UNC80: variants seen among roughly 807,000 people sequenced by gnomAD.
UNC80 encodes the protein protein unc-80 homolog.
Under a neutral mutation model 384.6 loss-of-function variants are expected in UNC80, and 164 were observed. The observed-to-expected ratio is 0.43, with a 90% confidence interval of 0.38 to 0.49. UNC80 has a LOEUF of 0.49. Among genes scored for constraint, UNC80 ranks in the 20% least tolerant of loss-of-function variants. The probability of loss-of-function intolerance (pLI) is 0.00; values close to 1 mark genes in which losing one functional copy is unlikely to be tolerated. For synonymous variants in UNC80, 1,486 were observed against 1,527.8 expected, an observed-to-expected ratio of 0.97 and a Z score of 0.64; for missense variants, 3,330 against 4,143.0, an observed-to-expected ratio of 0.80 and a Z score of 5.39.
intron 22 of UNC80, among the ~76,000 whole-genome samples, chr2:209,858,382 CTGTT>C (rs1333562072): frequency 2.0e-5 from 3 of 152,076 alleles, no homozygotes; most frequent in African/African-American, 4.8e-5. Flanking sequence ...ACTTTTCTAT[CTGTT>C]TGTTACTTAG....
At chr2:209,913,572 G>T (rs578117190) in intron 30 of UNC80, among the ~76,000 whole-genome samples, 1 of 152,290 alleles carries the variant, frequency 6.6e-6, no homozygotes, top group South Asian at 2.1e-4. Context: ...AAGCAATTTT[G>T]TGGTGAAAAC....
At position 209,772,032 on chromosome 2, in the gene UNC80, C is replaced by G. The variant is rs2076600789; in HGVS notation, c.-41C>G. On this transcript the variant is annotated 5_prime_UTR_variant, in exon 1 of 65. Coordinates refer to ENST00000673920, the MANE Select transcript of UNC80 (RefSeq NM_001371986.1). ...GCGGCGGCGGCGGCTAGCGAGGAGA[C>G]AGAGCTGGGTCCTGCAGTAGGACTC... The G allele has an allele frequency of 2.3e-5, 34 of 1,456,352 alleles. No individual in the cohort carries two copies. The highest frequency in any genetic ancestry group is 3.1e-5 in the Non-Finnish European group (33 of 1,062,630). 90.2% of individuals were successfully genotyped at this position (1,456,352 alleles called of 1,614,324 possible).
chr2:209,906,567 A>G (rs2088242757), intron 29 of UNC80, among the ~76,000 whole-genome samples: 1 of 152,130 alleles, frequency 6.6e-6, no homozygotes. Context: ...ATTTAGCTAG[A>G]CTTTAACCTT....
At position 209,811,006 on chromosome 2, in the gene UNC80, G is replaced by A. The variant is rs181774332; in HGVS notation, c.939-2574G>A. On this transcript the variant is annotated intron_variant, in intron 7 of 64. Coordinates refer to ENST00000673920, the MANE Select transcript of UNC80 (RefSeq NM_001371986.1). Reference sequence around the variant, plus strand: ...TGATAGGCTGAGAGGAGTGGGTTGCGTGCGTCATTCATCTTTAAGAAGGAG... The same window carrying A: ...TGATAGGCTGAGAGGAGTGGGTTGCATGCGTCATTCATCTTTAAGAAGGAG... Among the ~76,000 whole-genome samples the A allele has an allele frequency of 1.1e-4, 16 of 152,168 alleles. No homozygotes were observed. In the South Asian group the frequency reaches 2.7e-3, roughly 26 times the overall value.
chr2:209,840,464 G>C (rs2081655264), intron 19 of UNC80, 78 bp from the exon 20 acceptor site: 1 of 1,214,090 alleles, frequency 8.2e-7, no homozygotes, highest in South Asian at 1.3e-5. Context: ...ATCGCTTGTT[G>C]GGCTTATGTT....
intron 61 of UNC80, among the ~76,000 whole-genome samples, chr2:209,985,674 T>A (rs2093272322): frequency 6.6e-6 from 1 of 152,252 alleles, no homozygotes; most frequent in Non-Finnish European, 1.5e-5. Flanking sequence ...AATCTTGTGC[T>A]GTTGATTCAC....
chr2:209,803,992 C>G (rs762032059), intron 7 of UNC80, among the ~76,000 whole-genome samples: 15 of 152,174 alleles, frequency 9.9e-5, no homozygotes, highest in Non-Finnish European at 1.8e-4. Flanking sequence ...CTGCCTCAGC[C>G]TTTCACAGTG....
At chr2:209,928,038 A>C (rs565067795) in intron 36 of UNC80, among the ~76,000 whole-genome samples, 1 of 152,286 alleles carries the variant, frequency 6.6e-6, no homozygotes, top group African/African-American at 2.4e-5. Flanking sequence ...GTACTATTTT[A>C]AAATACATGT....
chr2:209,804,000 G>T (rs578066379), intron 7 of UNC80, among the ~76,000 whole-genome samples: 58 of 152,264 alleles, frequency 3.8e-4, no homozygotes, highest in African/African-American at 1.3e-3. Flanking sequence ...GCCTTTCACA[G>T]TGCTGGGATT....
rs531940913 is a variant in UNC80, at chr2:209,998,114, G to A, written c.*2519G>A. ...TTAATGATATTTATCTTATTCAGAG[G>A]AAAAACAAAAAAGGTACCCACTTCC... On this transcript the variant is annotated 3_prime_UTR_variant, in exon 65 of 65. Coordinates refer to ENST00000673920, the MANE Select transcript of UNC80 (RefSeq NM_001371986.1). 11 of 151,984 alleles carry A rather than the reference G, an allele frequency of 7.2e-5. No homozygotes were observed. In the East Asian group the frequency reaches 1.7e-3, roughly 24 times the overall value. The allele number at this position is 151,984 out of a possible 1,614,324, so 9.4% of individuals were successfully genotyped here.
intron 4 of UNC80, among the ~76,000 whole-genome samples, chr2:209,782,434 C>A (rs2077203257): frequency 6.6e-6 from 1 of 152,078 alleles, no homozygotes; most frequent in Non-Finnish European, 1.5e-5. Context: ...TTTAGGACTT[C>A]ATTTGAGATC....
Position 209,967,630 on chromosome 2 carries a change from A to G in UNC80, c.7999A>G (p.Thr2667Ala). 2 of 1,551,576 alleles carry G rather than the reference A, an allele frequency of 1.3e-6. No homozygotes were observed. Among genetic ancestry groups the G allele is most frequent in the South Asian group, 1.2e-5 (1 of 84,032 alleles). The stretch of plus-strand genomic sequence containing the variant: ...GTTCAACAAAATTCATAAGATGCCT[A>G]CTTTGAGGTGAGAATGCCTCCGAGT... ...RMFNKIHKMP[T>A]LRRQVEWEPA... Residue 2667 changes from threonine (T) to alanine (A), a missense_variant, in exon 52 of 65, where the codon ACT becomes GCT. This residue lies in a region of UNC80 where 1,049 missense variants were observed against 1,488.6 expected (regional missense o/e 0.70). Coordinates refer to ENST00000673920, the MANE Select transcript of UNC80 (RefSeq NM_001371986.1).
chr2:209,978,532 AC>A lies in UNC80; in HGVS notation c.8944del (p.Gln2982LysfsTer18). On this transcript the variant is annotated frameshift_variant, in exon 59 of 65. Coordinates refer to ENST00000673920, the MANE Select transcript of UNC80 (RefSeq NM_001371986.1). LOFTEE classifies it high-confidence loss of function. Reference protein sequence around the residue: ...LKEAVHSGSAYQGKTSISTVG... With the variant: ...LKEAVHSGSAXQGKTSISTVG... ...TTTGGTCTCTCGCATCCTCTAGCCTACCAAGGCAAGACATCCATCAGTACCG... is the reference window on the plus strand; with the variant it reads ...TTTGGTCTCTCGCATCCTCTAGCCTACAAGGCAAGACATCCATCAGTACCG... 1 of 1,540,418 alleles carries A rather than the reference AC, an allele frequency of 6.5e-7. No homozygotes were observed.
chr2:209,884,894 G>C (rs1354579520), intron 25 of UNC80, among the ~76,000 whole-genome samples: 1 of 151,938 alleles, frequency 6.6e-6, no homozygotes, highest in Non-Finnish European at 1.5e-5. Context: ...CTGGGGTCTG[G>C]TGGTGTGGGG....
chr2:209,829,504 G>T, intron 15 of UNC80, 125 bp downstream of exon 15: 2 of 919,268 alleles, frequency 2.2e-6, no homozygotes, highest in Admixed American at 4.7e-5. Context: ...GTCCATGCAT[G>T]TGTGTGGGTG....
At chr2:209,970,790 T>C (rs1269642437) in intron 53 of UNC80, 42 bp from the exon 54 acceptor site, 2 of 1,535,286 alleles carry the variant, frequency 1.3e-6, no homozygotes, top group South Asian at 1.2e-5. Flanking sequence ...TGCATGAAAT[T>C]GCAATAGTCA....
At chr2:209,900,662 A>G (rs1030055272) in intron 28 of UNC80, among the ~76,000 whole-genome samples, 3 of 152,248 alleles carry the variant, frequency 2.0e-5, no homozygotes, top group African/African-American at 7.2e-5. Context: ...ATAAATGATT[A>G]AGCTTAGTGA....
intron 14 of UNC80, among the ~76,000 whole-genome samples, chr2:209,827,359 C>T (rs534400895): frequency 1.3e-5 from 2 of 152,214 alleles, no homozygotes; most frequent in African/African-American, 2.4e-5. Flanking sequence ...TAAAAAGCGT[C>T]ATGCTTTAGT....
chr2:209,888,311 A>G (rs533752980), intron 26 of UNC80, 51 bp downstream of exon 26: 4 of 1,540,218 alleles, frequency 2.6e-6, no homozygotes, highest in African/African-American at 2.7e-5. Context: ...TGTTTCTCAT[A>G]GGATATTTGC....
Sources: gnomAD v4.1 joint callset for allele counts (sites outside exome capture counted in the v4.1 genomes callset) on GRCh38, gnomAD v4.1.1 for gene constraint, gnomAD v4.1.1 regional missense constraint, MANE v1.5 for transcripts, NCBI Gene and HGNC (gene_info 2026-07-23, HGNC 2026-07-21) for gene names.